The following HS2ST1 variants were observed in gnomAD, a reference collection of about 807,000 sequenced individuals.
The protein encoded by HS2ST1 is heparan sulfate 2-O-sulfotransferase 1, also known as 2-O-sulfotransferase.
HS2ST1 carries 18 observed loss-of-function variants against 42.9 expected under a neutral mutation model. That is an observed-to-expected ratio of 0.42 (90% CI 0.29 to 0.62). The LOEUF is 0.62. Ranked by LOEUF, HS2ST1 falls within the 20% of genes least tolerant of loss-of-function variation. The probability of loss-of-function intolerance (pLI) is 0.21; values close to 1 mark genes in which losing one functional copy is unlikely to be tolerated. For missense variants in HS2ST1, 334 were observed against 433.8 expected, an observed-to-expected ratio of 0.77 and a Z score of 2.04; for synonymous variants, 146 against 152.9, an observed-to-expected ratio of 0.95 and a Z score of 0.33.
intron 1 of HS2ST1, among the ~76,000 whole-genome samples, chr1:86,962,636 T>C (rs1447872902): frequency 6.6e-6 from 1 of 152,220 alleles, no homozygotes; most frequent in East Asian, 1.9e-4. Context: ...CTGGATGCTG[T>C]GTTCAGCTAG....
chr1:87,014,908 G>T (rs937089724), intron 1 of HS2ST1, among the ~76,000 whole-genome samples: 2 of 152,038 alleles, frequency 1.3e-5, no homozygotes, highest in African/African-American at 4.8e-5. Context: ...TACACACATT[G>T]TTTACTATGA....
chr1:86,949,624 A>G (rs1647444598), intron 1 of HS2ST1, among the ~76,000 whole-genome samples: 1 of 152,200 alleles, frequency 6.6e-6, no homozygotes, highest in African/African-American at 2.4e-5. Flanking sequence ...AGTAGCTACT[A>G]GCTGTATGTG....
chr1:87,000,394 G>A (rs1447975800), intron 1 of HS2ST1, among the ~76,000 whole-genome samples: 2 of 152,172 alleles, frequency 1.3e-5, no homozygotes, highest in Non-Finnish European at 2.9e-5. Context: ...CCTGTTTCTA[G>A]TATTTCTTAC....
At chr1:86,915,286 A>C (rs1660121057) in intron 1 of HS2ST1, 126 bp downstream of exon 1, 6 of 1,083,650 alleles carry the variant, frequency 5.5e-6, no homozygotes, top group Non-Finnish European at 7.7e-6. Flanking sequence ...TTCAAAGAGA[A>C]CCGGGAACAA....
At chr1:87,007,931 A>G (rs1203844977) in intron 1 of HS2ST1, among the ~76,000 whole-genome samples, 4 of 152,202 alleles carry the variant, frequency 2.6e-5, no homozygotes, top group Non-Finnish European at 4.4e-5. Context: ...GTAAAAATCT[A>G]TCTTCTTATT....
intron 1 of HS2ST1, chr1:87,064,503 A>C (rs774916038): frequency 1.9e-6 from 1 of 518,632 alleles, no homozygotes; most frequent in African/African-American, 1.9e-5. Flanking sequence ...TCATATAACC[A>C]TAACTTGTAA....
Position 87,080,085 on chromosome 1 carries a change from A to C in HS2ST1, c.364-4109A>C, listed in dbSNP as rs557142510. Among the ~76,000 whole-genome samples, 3 of 152,234 alleles carry C rather than the reference A, an allele frequency of 2.0e-5. No homozygotes were observed. The South Asian group carries it at 6.2e-4, about 32-fold the overall frequency. On this transcript the variant is annotated intron_variant, in intron 2 of 6. Coordinates refer to ENST00000370550, the MANE Select transcript of HS2ST1 (RefSeq NM_012262.4). ...AAACAAATAGATTCTAGAGAATTTT[A>C]AAGCAATAATAATCACCTGAATTTA... is the stretch of plus-strand genomic sequence containing the variant.
At chr1:87,036,544 A>G (rs1318055123) in intron 1 of HS2ST1, among the ~76,000 whole-genome samples, 1 of 152,212 alleles carries the variant, frequency 6.6e-6, no homozygotes, top group Non-Finnish European at 1.5e-5. Context: ...GCAAAGACTC[A>G]AAGATGAGAA....
At position 86,966,484 on chromosome 1, in the gene HS2ST1, A is replaced by G. The variant is rs531732056; in HGVS notation, c.124+51324A>G. ...TGTTCTTTCTAAGTTTTACTTTTTT[A>G]CTTTCTGAAACTTGTAAAGCATTCA... is the stretch of plus-strand genomic sequence containing the variant. On this transcript the variant is annotated intron_variant, in intron 1 of 6. Transcript: ENST00000370550. Among the ~76,000 whole-genome samples, 5 of 152,272 alleles carry G rather than the reference A, an allele frequency of 3.3e-5. No homozygotes were observed. The East Asian group carries it at 9.6e-4, about 29-fold the overall frequency.
At chr1:86,973,024 C>T (rs942471683) in intron 1 of HS2ST1, among the ~76,000 whole-genome samples, 1 of 152,120 alleles carries the variant, frequency 6.6e-6, no homozygotes, top group East Asian at 1.9e-4. Flanking sequence ...ATGGGGTTCA[C>T]GATGTATGTC....
intron 1 of HS2ST1, chr1:87,046,462 T>G: frequency 9.7e-7 from 1 of 1,033,128 alleles, no homozygotes; most frequent in Non-Finnish European, 1.5e-6. Context: ...ACATTAAACG[T>G]ATTTCCACTA....
chr1:87,051,101 A>AATGTATATATTTTTATT (rs149537323), intron 1 of HS2ST1, among the ~76,000 whole-genome samples: 1 of 152,022 alleles, frequency 6.6e-6, no homozygotes, highest in Non-Finnish European at 1.5e-5. Context: ...TTATTAAGCA[A>AATGTATATATTTTTATT]ATTTGTGTGT....
At chr1:87,004,720 T>G (rs755391646) in intron 1 of HS2ST1, among the ~76,000 whole-genome samples, 2 of 152,202 alleles carry the variant, frequency 1.3e-5, no homozygotes, top group Non-Finnish European at 2.9e-5. Context: ...ATATTCACAG[T>G]GCACTCATGG....
At chr1:86,967,869 C>T (rs565361313) in intron 1 of HS2ST1, among the ~76,000 whole-genome samples, 4 of 152,292 alleles carry the variant, frequency 2.6e-5, no homozygotes, top group African/African-American at 9.6e-5. Flanking sequence ...TTTAAGGAAT[C>T]TCCGTACTGT....
Position 87,109,484 on chromosome 1 carries a change from T to A in HS2ST1, c.*4788T>A, listed in dbSNP as rs1424534440. 2 of 152,022 alleles carry A rather than the reference T, an allele frequency of 1.3e-5. No individual in the cohort carries two copies. Among genetic ancestry groups the A allele is most frequent in the Non-Finnish European group, 2.9e-5 (2 of 67,948 alleles). The allele number at this position is 152,022 out of a possible 1,614,324, so 9.4% of individuals were successfully genotyped here. A position where few individuals can be genotyped will look rare whatever the true frequency, so the allele number is the denominator to read the frequency against. ...GAAAGGGCTATTAGAATTAAAAAAA[T>A]TTGAAAGTAACTTAATCTAACATTT... On this transcript the variant is annotated 3_prime_UTR_variant, in exon 7 of 7. Coordinates refer to ENST00000370550, the MANE Select transcript of HS2ST1 (RefSeq NM_012262.4).
At chr1:86,954,273 C>G (rs1293569025) in intron 1 of HS2ST1, among the ~76,000 whole-genome samples, 1 of 151,554 alleles carries the variant, frequency 6.6e-6, no homozygotes, top group Admixed American at 6.6e-5. Context: ...CACTTGAACC[C>G]GGGAGGCAGA....
chr1:86,930,970 T>A (rs1330442467), intron 1 of HS2ST1, among the ~76,000 whole-genome samples: 1 of 151,938 alleles, frequency 6.6e-6, no homozygotes, highest in Non-Finnish European at 1.5e-5. Flanking sequence ...AAATGACTAG[T>A]TAGTGGGGGA....
intron 1 of HS2ST1, chr1:86,934,789 G>C (rs758708427): frequency 2.6e-5 from 4 of 152,072 alleles, no homozygotes; most frequent in African/African-American, 4.8e-5. Context: ...TTAGCTGGGC[G>C]TGGTGGCGGG....
In HS2ST1 at chr1:86,953,011, A is replaced by G. The variant is rs138314579; in HGVS notation, c.124+37851A>G. Among the ~76,000 whole-genome samples the G allele has an allele frequency of 2.9e-3, 438 of 152,346 alleles. 3 individuals are homozygous for G. Among genetic ancestry groups the G allele is most frequent in the African/African-American group, 9.8e-3 (408 of 41,576 alleles). On this transcript the variant is annotated intron_variant, in intron 1 of 6. Transcript: ENST00000370550. ...CTTCCAGTACAATGCTGTTTCATCT[A>G]CATGGAAAATCTATAGTTTATTGTA...
Sources: gnomAD v4.1 joint callset for allele counts (sites outside exome capture counted in the v4.1 genomes callset) on GRCh38, gnomAD v4.1.1 for gene constraint, MANE v1.5 for transcripts, NCBI Gene and HGNC (gene_info 2026-07-23, HGNC 2026-07-21) for gene names.